CLEC16A: variants seen among roughly 807,000 people sequenced by gnomAD.
CLEC16A encodes C-type lectin domain containing 16A, also known as protein CLEC16A.
CLEC16A carries 51 observed loss-of-function variants against 109.5 expected under a neutral mutation model. The ratio of observed to expected loss-of-function variants is 0.47; its 90% confidence interval spans 0.37 to 0.59. The LOEUF (loss-of-function observed/expected upper bound fraction) is 0.59. Ranked by LOEUF, CLEC16A falls within the 20% of genes least tolerant of loss-of-function variation. The pLI is 0.00. For synonymous variants in CLEC16A, 673 were observed against 564.2 expected, an observed-to-expected ratio of 1.19 and a Z score of -2.73; for missense variants, 1,339 against 1,394.0, an observed-to-expected ratio of 0.96 and a Z score of 0.63.
chr16:11,017,864 C>T (rs1357376456), intron 11 of CLEC16A, among the ~76,000 whole-genome samples: 1 of 152,044 alleles, frequency 6.6e-6, no homozygotes, highest in Non-Finnish European at 1.5e-5. Flanking sequence ...AGAAACGTCA[C>T]ATCCAGAGGA....
intron 19 of CLEC16A, among the ~76,000 whole-genome samples, chr16:11,113,978 C>T (rs564771475): frequency 6.6e-6 from 1 of 152,152 alleles, no homozygotes; most frequent in South Asian, 2.1e-4. Flanking sequence ...AACGGCTATG[C>T]TAATTTATTC....
At chr16:10,963,343 A>G (rs1197493835) in intron 3 of CLEC16A, among the ~76,000 whole-genome samples, 1 of 152,174 alleles carries the variant, frequency 6.6e-6, no homozygotes, top group African/African-American at 2.4e-5. Flanking sequence ...TAGAGCTTCA[A>G]TGTAGGAACC....
intron 11 of CLEC16A, among the ~76,000 whole-genome samples, chr16:11,019,701 G>A (rs1291648076): frequency 1.7e-4 from 26 of 151,928 alleles, no homozygotes; most frequent in African/African-American, 3.6e-4. Context: ...CCCTGGAGGC[G>A]GAGGTAGCAG....
At chr16:11,053,457 G>A (rs1597218914) in intron 18 of CLEC16A, among the ~76,000 whole-genome samples, 1 of 151,328 alleles carries the variant, frequency 6.6e-6, no homozygotes, top group East Asian at 2.0e-4. Context: ...AACACACTCT[G>A]CCCCCTGGGG....
intron 1 of CLEC16A, 100 bp from the exon 2 acceptor site, chr16:10,957,682 A>G: frequency 8.2e-7 from 1 of 1,226,316 alleles, no homozygotes. Flanking sequence ...AACCTGAAAA[A>G]GCATTGCTGC....
chr16:11,023,046 C>T (rs2046210606), intron 12 of CLEC16A, among the ~76,000 whole-genome samples: 1 of 148,880 alleles, frequency 6.7e-6, no homozygotes, highest in African/African-American at 2.5e-5. Flanking sequence ...AAAGTCTTCA[C>T]TGCTAACATT....
At chr16:11,041,878 A>G (rs1299968698) in intron 14 of CLEC16A, 7 of 176,452 alleles carry the variant, frequency 4.0e-5, no homozygotes, top group Non-Finnish European at 8.4e-5. Context: ...CAACCCTGGA[A>G]CGGGGAAGGA....
At chr16:11,072,261 T>A (rs565705389) in intron 19 of CLEC16A, among the ~76,000 whole-genome samples, 72 of 152,068 alleles carry the variant, frequency 4.7e-4, no homozygotes, top group African/African-American at 1.7e-3. Flanking sequence ...CTGGGACTAC[T>A]GGCACGTGCC....
chr16:10,989,751 A>C (rs1023646873), intron 10 of CLEC16A, among the ~76,000 whole-genome samples: 1 of 151,474 alleles, frequency 6.6e-6, no homozygotes, highest in Non-Finnish European at 1.5e-5. Flanking sequence ...CCAGCCGGAT[A>C]CTCCCCCAGG....
chr16:11,005,393 A>G (rs2044938668), intron 11 of CLEC16A, among the ~76,000 whole-genome samples: 1 of 152,146 alleles, frequency 6.6e-6, no homozygotes, highest in Non-Finnish European at 1.5e-5. Context: ...ACTTAGCCAG[A>G]TCGTGCCACA....
intron 19 of CLEC16A, among the ~76,000 whole-genome samples, chr16:11,069,211 C>G (rs1204156324): frequency 6.6e-6 from 1 of 152,006 alleles, no homozygotes; most frequent in Non-Finnish European, 1.5e-5. Context: ...CAGTGCAGCC[C>G]CAACTTCCCA....
chr16:10,986,964 G>A (rs551663389), intron 10 of CLEC16A, among the ~76,000 whole-genome samples: 96 of 151,490 alleles, frequency 6.3e-4, no homozygotes, highest in Admixed American at 1.8e-3. Flanking sequence ...AGTGATTCTC[G>A]TGCCTCAGCC....
chr16:10,948,210 G>A (rs538654123), intron 1 of CLEC16A, among the ~76,000 whole-genome samples: 1 of 152,218 alleles, frequency 6.6e-6, no homozygotes, highest in South Asian at 2.1e-4. Flanking sequence ...TACTTTTTTA[G>A]AACAGTTTGA....
At chr16:11,101,149 C>G (rs895779563) in intron 19 of CLEC16A, among the ~76,000 whole-genome samples, 4 of 152,160 alleles carry the variant, frequency 2.6e-5, no homozygotes, top group African/African-American at 9.7e-5. Flanking sequence ...CAGTCCAGGT[C>G]TTCATTATAA....
At chr16:10,978,851 G>A (rs1426575803) in intron 8 of CLEC16A, among the ~76,000 whole-genome samples, 1 of 152,114 alleles carries the variant, frequency 6.6e-6, no homozygotes, top group Non-Finnish European at 1.5e-5. Context: ...CAAAATGAGG[G>A]CCTAACTATT....
intron 19 of CLEC16A, among the ~76,000 whole-genome samples, chr16:11,116,530 C>T (rs1216614930): frequency 6.6e-6 from 1 of 152,058 alleles, no homozygotes; most frequent in Admixed American, 6.6e-5. Flanking sequence ...CTGTAAAGAC[C>T]GAGAGGACCA....
chr16:11,057,649 C>T (rs1227698669), intron 18 of CLEC16A, among the ~76,000 whole-genome samples: 1 of 152,212 alleles, frequency 6.6e-6, no homozygotes, highest in East Asian at 1.9e-4. Flanking sequence ...GTCAGTCCTT[C>T]CTGATATTCT....
At chr16:11,110,412 G>A (rs1442159036) in intron 19 of CLEC16A, among the ~76,000 whole-genome samples, 1 of 152,198 alleles carries the variant, frequency 6.6e-6, no homozygotes, top group African/African-American at 2.4e-5. Context: ...TGAGGGGTCA[G>A]GGGAGGCCTC....
Position 11,094,796 on chromosome 16 carries a change from G to C in CLEC16A, c.2117-25819G>C, listed in dbSNP as rs557639460. Among the ~76,000 whole-genome samples, 9 of 152,318 alleles carry C rather than the reference G, an allele frequency of 5.9e-5. No homozygotes were observed. In the South Asian group the frequency reaches 1.4e-3, roughly 25 times the overall value. On this transcript the variant is annotated intron_variant, in intron 19 of 23. Coordinates refer to ENST00000409790, the MANE Select transcript of CLEC16A (RefSeq NM_015226.3). Reference sequence around the variant, plus strand: ...TGCATGGTTGCCATGAATTTTACGTGAATCACATTTAAATCAATAAAGCCT... The same window carrying C: ...TGCATGGTTGCCATGAATTTTACGTCAATCACATTTAAATCAATAAAGCCT...
Sources: allele counts gnomAD v4.1 joint callset (sites outside exome capture counted in the v4.1 genomes callset), GRCh38; gene constraint gnomAD v4.1.1; transcripts MANE v1.5; gene names NCBI Gene and HGNC (gene_info 2026-07-23, HGNC 2026-07-21).